Variants in WDR64 observed in about 807,000 individuals in gnomAD.
The protein encoded by WDR64 is WD repeat domain 64, also known as WD repeat-containing protein 64.
A neutral mutation model predicts 139.3 loss-of-function variants in WDR64; 112 were observed. The ratio of observed to expected loss-of-function variants is 0.80; its 90% confidence interval spans 0.69 to 0.94. The LOEUF is 0.94. Ranked by LOEUF, WDR64 falls within the 40% of genes least tolerant of loss-of-function variation. The probability of loss-of-function intolerance (pLI) is 0.00; values close to 1 mark genes in which losing one functional copy is unlikely to be tolerated. For synonymous variants in WDR64, 444 were observed against 437.7 expected, an observed-to-expected ratio of 1.01 and a Z score of -0.18; for missense variants, 1,206 against 1,293.1, an observed-to-expected ratio of 0.93 and a Z score of 1.03.
intron 1 of WDR64, among the ~76,000 whole-genome samples, chr1:241,658,309 G>GTGTGTGTGTGTA (rs1665687873): frequency 6.6e-6 from 1 of 151,660 alleles, no homozygotes; most frequent in Non-Finnish European, 1.5e-5. Context: ...GTGTGTGTGT[G>GTGTGTGTGTGTA]TGTGTATGTG....
At chr1:241,713,382 A>AAAGGAAGG (rs201423182) in intron 9 of WDR64, among the ~76,000 whole-genome samples, 1 of 113,300 alleles carries the variant, frequency 8.8e-6, no homozygotes, top group Non-Finnish European at 1.8e-5. Context: ...GAAGGGAAGG[A>AAAGGAAGG]AAGGAAGGAA....
At chr1:241,723,981 GAAAT>G (rs891293857) in intron 10 of WDR64, among the ~76,000 whole-genome samples, 12 of 151,416 alleles carry the variant, frequency 7.9e-5, no homozygotes, top group East Asian at 7.7e-4. Context: ...AATAAATAAG[GAAAT>G]AAATAAATAA....
rs1201049905 is a variant in WDR64 at position 241,732,829 on chromosome 1, CCAAAAAAA to C, written c.1195-5518_1195-5511del. On this transcript the variant is annotated intron_variant, in intron 10 of 27. Transcript: ENST00000437684. ...GAGTGAAACTCTGTCAAAAAAAAAA[CCAAAAAAA>C]CAAAAAAACAAAAAACAAAACCCAG... 5.3e-5 allele frequency among the ~76,000 whole-genome samples: 8 copies of C among 150,652 alleles called. No homozygotes were observed. In the East Asian group the frequency reaches 7.8e-4, roughly 15 times the overall value.
rs766118886 is a variant in WDR64 at position 241,749,696 on chromosome 1, C to T, written c.1744C>T (p.Arg582Cys). 4.3e-5 allele frequency: 70 copies of T among 1,613,876 alleles called. 1 individual carries two copies. Among genetic ancestry groups the T allele is most frequent in the Non-Finnish European group, 4.6e-5 (54 of 1,179,952 alleles). Residue 582 changes from arginine to cysteine, a missense_variant, in exon 14 of 28, where the codon CGC becomes TGC. By Grantham distance (180) the Arg-to-Cys change is radical (BLOSUM62 -3). Transcript: ENST00000437684. ...CCAGCAGCTGGTCCTGGCCTTGGAG[C>T]GCAACGGGACTATCAAAATGATCCA... Reference protein sequence around the residue: ...KHQQLVLALERNGTIKMIQGK... With the variant: ...KHQQLVLALECNGTIKMIQGK...
chr1:241,665,920 A>G (rs959915030), intron 2 of WDR64, among the ~76,000 whole-genome samples: 2 of 152,206 alleles, frequency 1.3e-5, no homozygotes, highest in East Asian at 1.9e-4. Context: ...TAAATCTAAA[A>G]TTATATTTGC....
chr1:241,680,026 A>G (rs937258535), intron 6 of WDR64, among the ~76,000 whole-genome samples: 2 of 152,194 alleles, frequency 1.3e-5, no homozygotes, highest in Non-Finnish European at 2.9e-5. Flanking sequence ...GTTACTGCTT[A>G]ACCAATCTAC....
At position 241,660,552 on chromosome 1, in the gene WDR64, T is replaced by G; in HGVS notation, c.168T>G (p.Phe56Leu). The change falls in exon 2 of 28, where the codon TTT becomes TTG. Residue 56 changes from phenylalanine to leucine, a missense_variant. Physicochemically the swap from Phe to Leu is conservative, Grantham distance 22. Transcript: ENST00000437684. Reference protein sequence around the residue: ...HKEDAIGYDKFYASVQKLFGP... With the variant: ...HKEDAIGYDKLYASVQKLFGP... ...CAGATGCAATTGGTTATGACAAGTT[T>G]TATGCATCGGTACAGAAGCTCTTTG... is the stretch of plus-strand genomic sequence containing the variant. 6.4e-7 allele frequency: 1 copy of G among 1,551,820 alleles called. No homozygotes were observed. The highest frequency in any genetic ancestry group is 1.2e-5 in the South Asian group (1 of 84,044).
intron 15 of WDR64, among the ~76,000 whole-genome samples, chr1:241,761,315 A>G (rs1012721709): frequency 7.2e-5 from 11 of 152,178 alleles, no homozygotes; most frequent in Non-Finnish European, 1.5e-4. Context: ...TAGTGAAATA[A>G]TAATTGGCCA....
At chr1:241,748,707 A>G (rs1285886639) in intron 13 of WDR64, among the ~76,000 whole-genome samples, 1 of 152,134 alleles carries the variant, frequency 6.6e-6, no homozygotes, top group Non-Finnish European at 1.5e-5. Flanking sequence ...TGGGAGGCCG[A>G]GGAGGGCAGA....
Position 241,801,417 on chromosome 1 carries a change from A to G in WDR64, c.*202A>G. The stretch of plus-strand genomic sequence containing the variant: ...ACCAAGCAAGCAGCAAGCAGCCAGA[A>G]GTTTAGGCGGTGTTTCTTATTTACT... On this transcript the variant is annotated 3_prime_UTR_variant, in exon 28 of 28. Coordinates refer to ENST00000437684, the MANE Select transcript of WDR64 (RefSeq NM_001367482.1). 2.0e-6 allele frequency: 1 copy of G among 498,410 alleles called. No individual in the cohort carries two copies. Among genetic ancestry groups the G allele is most frequent in the Non-Finnish European group, 3.6e-6 (1 of 279,802 alleles). 30.9% of individuals were successfully genotyped at this position (498,410 alleles called of 1,614,324 possible).
At chr1:241,753,468 C>T (rs934605839) in intron 14 of WDR64, among the ~76,000 whole-genome samples, 1 of 152,144 alleles carries the variant, frequency 6.6e-6, no homozygotes, top group African/African-American at 2.4e-5. Context: ...GTTTGGAAGG[C>T]CAAGGCAGGC....
At chr1:241,670,682 T>C (rs1014568226) in intron 2 of WDR64, among the ~76,000 whole-genome samples, 1 of 152,212 alleles carries the variant, frequency 6.6e-6, no homozygotes, top group African/African-American at 2.4e-5. Flanking sequence ...CATCACTGCC[T>C]GAGCTCCGCC....
At chr1:241,694,369 A>C (rs973853216) in intron 8 of WDR64, among the ~76,000 whole-genome samples, 4 of 152,178 alleles carry the variant, frequency 2.6e-5, no homozygotes, top group African/African-American at 7.2e-5. Flanking sequence ...ACTGAAAGAC[A>C]AATTAAAAAC....
At chr1:241,787,573 G>A (rs1659083975) in intron 23 of WDR64, among the ~76,000 whole-genome samples, 1 of 150,996 alleles carries the variant, frequency 6.6e-6, no homozygotes, top group Non-Finnish European at 1.5e-5. Context: ...GCTGAGGCAG[G>A]AGAATCACTT....
chr1:241,719,984 G>T (rs931317677), intron 9 of WDR64, among the ~76,000 whole-genome samples: 3 of 151,980 alleles, frequency 2.0e-5, no homozygotes, highest in Admixed American at 6.6e-5. Context: ...AATGTGAGTT[G>T]TTCCCCACCG....
intron 4 of WDR64, among the ~76,000 whole-genome samples, chr1:241,677,663 T>C (rs1666606787): frequency 6.6e-6 from 1 of 152,194 alleles, no homozygotes; most frequent in Non-Finnish European, 1.5e-5. Context: ...ACCCAATGCA[T>C]GATATTCACT....
At chr1:241,696,385 A>G (rs574415458) in intron 8 of WDR64, among the ~76,000 whole-genome samples, 47 of 152,184 alleles carry the variant, frequency 3.1e-4, no homozygotes, top group African/African-American at 1.0e-3. Flanking sequence ...CACGCAAAAA[A>G]GAATTTGGGG....
At position 241,783,368 on chromosome 1, in the gene WDR64, G is replaced by A. The variant is rs370383549; in HGVS notation, c.2692G>A (p.Asp898Asn). Residue 898 changes from aspartate to asparagine, a missense_variant, in exon 23 of 28, where the codon GAT (aspartate) becomes AAT (asparagine). Physicochemically the swap from Asp to Asn is conservative, Grantham distance 23. Coordinates refer to ENST00000437684, the MANE Select transcript of WDR64 (RefSeq NM_001367482.1). The stretch of plus-strand genomic sequence containing the variant: ...ACAAGTGGTACTTACTGCCTCCATC[G>A]ATGGCTCAGTAAGGTAGGCCAAGAT... The part of the protein sequence containing the change: ...EKQVVLTASI[D>N]GSVRLWHALN... 11 of 1,613,236 alleles carry A rather than the reference G, an allele frequency of 6.8e-6. No homozygotes were observed. The highest frequency in any genetic ancestry group is 6.7e-5 in the East Asian group (3 of 44,854).
rs542903794 is a variant in WDR64 at position 241,751,680 on chromosome 1, T to C, written c.1770+1958T>C. 4.6e-5 allele frequency among the ~76,000 whole-genome samples: 7 copies of C among 152,260 alleles called. No homozygotes were observed. In the South Asian group the frequency reaches 1.2e-3, roughly 27 times the overall value. ...TATGCTTCTGTTCTTGGTTTTATTT[T>C]CTCAAGTCTCAGAAAAACCCTTGTG... On this transcript the variant is annotated intron_variant, in intron 14 of 27. Transcript: ENST00000437684.
Sources: gnomAD v4.1 joint callset for allele counts (sites outside exome capture counted in the v4.1 genomes callset) on GRCh38, gnomAD v4.1.1 for gene constraint, MANE v1.5 for transcripts, NCBI Gene and HGNC (gene_info 2026-07-23, HGNC 2026-07-21) for gene names.